The following DYNC1I1 variants were observed in gnomAD, a reference collection of about 807,000 sequenced individuals.
DYNC1I1 encodes the protein dynein cytoplasmic 1 intermediate chain 1.
DYNC1I1 carries 43 observed loss-of-function variants against 86.6 expected under a neutral mutation model. The ratio of observed to expected loss-of-function variants is 0.50; its 90% confidence interval spans 0.39 to 0.64. DYNC1I1 has a LOEUF of 0.64. Among genes scored for constraint, DYNC1I1 ranks in the 30% least tolerant of loss-of-function variants. The pLI is 0.00. For missense variants in DYNC1I1, 604 were observed against 788.8 expected (o/e 0.77, Z 2.81); for synonymous variants, 262 against 283.7 (o/e 0.92, Z 0.77).
chr7:96,008,455 G>A, intron 10 of DYNC1I1, among the ~76,000 whole-genome samples: 1 of 152,120 alleles, frequency 6.6e-6, no homozygotes, highest in Non-Finnish European at 1.5e-5. Flanking sequence ...TACCCCTACT[G>A]AAGAATGAAA....
chr7:95,780,422 C>A (rs1363151256), intron 1 of DYNC1I1, among the ~76,000 whole-genome samples: 1 of 146,186 alleles, frequency 6.8e-6, no homozygotes, highest in African/African-American at 2.6e-5. Context: ...CGCCCACCAC[C>A]ACACCCGGCT....
chr7:95,964,592 G>A (rs1223714852), intron 6 of DYNC1I1, among the ~76,000 whole-genome samples: 1 of 152,176 alleles, frequency 6.6e-6, no homozygotes, highest in African/African-American at 2.4e-5. Context: ...TCTCATTCTA[G>A]TGGGTCTAGA....
chr7:95,799,793 T>C (rs1794534801), intron 1 of DYNC1I1, among the ~76,000 whole-genome samples: 1 of 152,006 alleles, frequency 6.6e-6, no homozygotes, highest in African/African-American at 2.4e-5. Flanking sequence ...TGCTATTAAA[T>C]CAGTAATGTC....
chr7:96,084,241 A>G (rs1489458441), intron 16 of DYNC1I1, among the ~76,000 whole-genome samples: 2 of 148,530 alleles, frequency 1.3e-5, no homozygotes, highest in Non-Finnish European at 3.0e-5. Context: ...CCACATTTTC[A>G]TTTTTCACTG....
At chr7:96,006,286 C>T (rs1411916696) in intron 10 of DYNC1I1, among the ~76,000 whole-genome samples, 14 of 152,084 alleles carry the variant, frequency 9.2e-5, no homozygotes, top group Admixed American at 9.2e-4. Context: ...TCGAGAGAAT[C>T]CAGGCGCTTC....
At chr7:96,067,925 A>G (rs954308526) in intron 14 of DYNC1I1, among the ~76,000 whole-genome samples, 1 of 152,182 alleles carries the variant, frequency 6.6e-6, no homozygotes, top group African/African-American at 2.4e-5. Flanking sequence ...AAATACGACT[A>G]TCTACATAAT....
intron 10 of DYNC1I1, among the ~76,000 whole-genome samples, chr7:95,999,376 G>A (rs1184360307): frequency 6.6e-6 from 1 of 151,992 alleles, no homozygotes; most frequent in Non-Finnish European, 1.5e-5. Flanking sequence ...TTTGTTCTTG[G>A]CAATCTCTTT....
intron 16 of DYNC1I1, among the ~76,000 whole-genome samples, chr7:96,082,464 C>T (rs1790553187): frequency 6.6e-6 from 1 of 152,094 alleles, no homozygotes; most frequent in South Asian, 2.1e-4. Flanking sequence ...CCTTTGCATA[C>T]ACATAACGTC....
intron 6 of DYNC1I1, among the ~76,000 whole-genome samples, chr7:95,887,676 G>A (rs145067454): frequency 7.9e-5 from 12 of 152,202 alleles, no homozygotes; most frequent in African/African-American, 2.9e-4. Flanking sequence ...TTCAAAGGTT[G>A]CAAAATATCT....
chr7:95,953,815 G>C (rs1375074392), intron 6 of DYNC1I1, among the ~76,000 whole-genome samples: 1 of 152,102 alleles, frequency 6.6e-6, no homozygotes, highest in East Asian at 1.9e-4. Context: ...CTGTGGCTGG[G>C]GTCTCCAACT....
intron 9 of DYNC1I1, among the ~76,000 whole-genome samples, chr7:95,993,668 T>C (rs994661935): frequency 6.6e-6 from 1 of 152,230 alleles, no homozygotes; most frequent in Non-Finnish European, 1.5e-5. Context: ...TGTGTCACTG[T>C]ACGCTTATAC....
intron 10 of DYNC1I1, among the ~76,000 whole-genome samples, chr7:96,011,049 G>T (rs1794263481): frequency 6.6e-6 from 1 of 152,110 alleles, no homozygotes; most frequent in Non-Finnish European, 1.5e-5. Flanking sequence ...CTCGGGAAAA[G>T]GTAGTTTTAT....
At chr7:95,859,819 G>A (rs1439098763) in intron 5 of DYNC1I1, among the ~76,000 whole-genome samples, 1 of 152,218 alleles carries the variant, frequency 6.6e-6, no homozygotes, top group Non-Finnish European at 1.5e-5. Flanking sequence ...TGGCATCTAG[G>A]GTCATGAGGG....
intron 10 of DYNC1I1, among the ~76,000 whole-genome samples, chr7:96,015,084 A>G (rs1388114016): frequency 6.6e-6 from 1 of 152,188 alleles, no homozygotes; most frequent in Non-Finnish European, 1.5e-5. Context: ...GTCTATGCAC[A>G]AAGCAGAAAT....
chr7:95,986,998 A>C, intron 8 of DYNC1I1, 58 bp from the exon 9 acceptor site: 1 of 1,490,508 alleles, frequency 6.7e-7, no homozygotes, highest in Non-Finnish European at 9.3e-7. Flanking sequence ...CAGTGCTTCT[A>C]TATGAGCAGC....
At chr7:95,790,214 T>A (rs1357261026) in intron 1 of DYNC1I1, among the ~76,000 whole-genome samples, 1 of 152,224 alleles carries the variant, frequency 6.6e-6, no homozygotes, top group Non-Finnish European at 1.5e-5. Flanking sequence ...GTTCTAGCAC[T>A]GTACATCCTG....
intron 6 of DYNC1I1, among the ~76,000 whole-genome samples, chr7:95,975,037 G>A (rs73708436): frequency 0.067 from 10,143 of 152,158 alleles, 725 homozygotes; most frequent in East Asian, 0.33. Context: ...ACTTGAAGCG[G>A]GATGTGGTTG....
At chr7:96,039,772 G>A (rs1413215969) in intron 14 of DYNC1I1, among the ~76,000 whole-genome samples, 1 of 151,848 alleles carries the variant, frequency 6.6e-6, no homozygotes, top group Non-Finnish European at 1.5e-5. Flanking sequence ...TCAGTTTCAT[G>A]TCTATGTTCT....
chr7:96,039,516 G>C, intron 14 of DYNC1I1, 95 bp downstream of exon 14: 1 of 1,506,532 alleles, frequency 6.6e-7, no homozygotes, highest in South Asian at 1.2e-5. Flanking sequence ...GCCTCTTCCA[G>C]GCAACCTGGC....
Sources: gnomAD v4.1 joint callset for allele counts (sites outside exome capture counted in the v4.1 genomes callset) on GRCh38, gnomAD v4.1.1 for gene constraint, MANE v1.5 for transcripts, NCBI Gene and HGNC (gene_info 2026-07-23, HGNC 2026-07-21) for gene names.